Variants in AFF2 observed in about 807,000 individuals in gnomAD.
AFF2 encodes AF4/FMR2 family member 2.
A neutral mutation model predicts 76.9 loss-of-function variants in AFF2; 14 were observed. That is an observed-to-expected ratio of 0.18 (90% CI 0.12 to 0.28). AFF2 has a LOEUF of 0.28. Ranked by LOEUF, AFF2 falls within the 10% of genes least tolerant of loss-of-function variation. The probability of loss-of-function intolerance (pLI) is 1.00; values close to 1 mark genes in which losing one functional copy is unlikely to be tolerated. For missense variants in AFF2, 868 were observed against 1,001.1 expected, an observed-to-expected ratio of 0.87 and a Z score of 1.79; for synonymous variants, 398 against 366.7, an observed-to-expected ratio of 1.09 and a Z score of -0.98.
chrX:148,706,367 T>C (rs1357859316), intron 3 of AFF2, among the ~76,000 whole-genome samples: 1 of 112,368 alleles, frequency 8.9e-6, no homozygotes, highest in East Asian at 2.8e-4. Context: ...GAACTGTTGA[T>C]AGCTTCTGTC....
chrX:148,811,418 C>T (rs989792570), intron 4 of AFF2, among the ~76,000 whole-genome samples: 4 of 111,303 alleles, frequency 3.6e-5, no homozygotes, highest in Non-Finnish European at 7.5e-5. Flanking sequence ...TGGGTGGAGA[C>T]GAGGCAGCTG....
intron 3 of AFF2, among the ~76,000 whole-genome samples, chrX:148,720,945 G>T (rs1226559452): frequency 9.0e-6 from 1 of 111,642 alleles, no homozygotes; most frequent in Non-Finnish European, 1.9e-5. Context: ...GGTTCATAGA[G>T]ATATTTGTCC....
intron 9 of AFF2, among the ~76,000 whole-genome samples, chrX:148,914,610 T>C (rs782083762): frequency 8.9e-6 from 1 of 112,176 alleles, no homozygotes; most frequent in Non-Finnish European, 1.9e-5. Context: ...TCCTTCTCTG[T>C]GGACTTTTAT....
chrX:148,761,974 GATATAGAT>G (rs1444342393), intron 3 of AFF2, among the ~76,000 whole-genome samples: 2 of 94,046 alleles, frequency 2.1e-5, no homozygotes, highest in Non-Finnish European at 4.0e-5. Context: ...TATAGATATA[GATATAGAT>G]ATAGATATAG....
intron 3 of AFF2, among the ~76,000 whole-genome samples, chrX:148,724,455 AAAT>A (rs1557264075): frequency 8.9e-6 from 1 of 112,196 alleles, no homozygotes; most frequent in African/African-American, 3.2e-5. Context: ...ACAATATAAA[AAAT>A]AATAAAATCA....
chrX:148,710,286 A>G (rs1252002659), intron 3 of AFF2, among the ~76,000 whole-genome samples: 1 of 111,788 alleles, frequency 8.9e-6, no homozygotes, highest in Non-Finnish European at 1.9e-5. Flanking sequence ...GATAAAATGG[A>G]TCTCTTTCAA....
At chrX:148,625,841 A>G (rs1236184273) in intron 1 of AFF2, among the ~76,000 whole-genome samples, 1 of 111,377 alleles carries the variant, frequency 9.0e-6, no homozygotes, top group Non-Finnish European at 1.9e-5. Context: ...TGACAGACTC[A>G]AGGGAGCTGA....
At chrX:148,927,685 G>A (rs781786357) in intron 9 of AFF2, among the ~76,000 whole-genome samples, 2 of 111,954 alleles carry the variant, frequency 1.8e-5, no homozygotes, top group African/African-American at 3.2e-5. Context: ...GGGATGTGGC[G>A]TTCTGCATTC....
intron 9 of AFF2, among the ~76,000 whole-genome samples, chrX:148,906,046 T>C (rs782277598): frequency 2.7e-4 from 30 of 112,018 alleles, no homozygotes; most frequent in Non-Finnish European, 5.3e-4. Context: ...GGTAGGTGTT[T>C]AGAATTGTCT....
chrX:148,818,026 G>A (rs184506601), intron 4 of AFF2, among the ~76,000 whole-genome samples: 1 of 111,429 alleles, frequency 9.0e-6, no homozygotes, highest in East Asian at 2.8e-4. Flanking sequence ...AACTCTCAAA[G>A]CATTCTCATT....
chrX:148,829,339 A>G (rs1557273150), intron 4 of AFF2, among the ~76,000 whole-genome samples: 1 of 112,210 alleles, frequency 8.9e-6, no homozygotes, highest in East Asian at 2.8e-4. Flanking sequence ...AAATAGAAGA[A>G]TATTCATTCA....
chrX:148,552,645 G>T (rs1320372043), intron 1 of AFF2, among the ~76,000 whole-genome samples: 4 of 112,235 alleles, frequency 3.6e-5, no homozygotes, highest in Non-Finnish European at 7.5e-5. Flanking sequence ...ATGCTTGTTG[G>T]TCTGCTCACT....
At chrX:148,665,954 G>A (rs1400212686) in intron 3 of AFF2, among the ~76,000 whole-genome samples, 1 of 111,831 alleles carries the variant, frequency 8.9e-6, no homozygotes, top group Non-Finnish European at 1.9e-5. Context: ...GAGTGTTAGT[G>A]AAGTGCATTT....
chrX:148,547,156 G>A (rs2052930812), intron 1 of AFF2: 2 of 108,940 alleles, frequency 1.8e-5, no homozygotes, highest in South Asian at 8.6e-4. Flanking sequence ...AGGGTCCAGA[G>A]TGGCTCTGAG....
At chrX:148,766,062 C>T (rs1190540686) in intron 3 of AFF2, among the ~76,000 whole-genome samples, 1 of 110,534 alleles carries the variant, frequency 9.0e-6, no homozygotes, top group Non-Finnish European at 1.9e-5. Flanking sequence ...GCGTAGTATT[C>T]CATGGTATAT....
intron 8 of AFF2, among the ~76,000 whole-genome samples, chrX:148,896,991 G>A (rs2071292338): frequency 9.5e-6 from 1 of 105,701 alleles, no homozygotes; most frequent in Non-Finnish European, 1.9e-5. Flanking sequence ...CCCTCATTGT[G>A]TCCATCTTCC....
intron 8 of AFF2, among the ~76,000 whole-genome samples, chrX:148,897,263 ATATATATATG>A (rs1332746489): frequency 0.031 from 1,107 of 36,104 alleles, 177 homozygotes; most frequent in African/African-American, 0.088. Context: ...ATATATATAT[ATATATATATG>A]TATATGAAAA....
intron 3 of AFF2, among the ~76,000 whole-genome samples, chrX:148,781,250 G>A (rs1557269071): frequency 1.8e-5 from 2 of 112,266 alleles, no homozygotes. Context: ...GAGCTCTAAC[G>A]CTGTGCTGGG....
intron 3 of AFF2, among the ~76,000 whole-genome samples, chrX:148,715,721 G>A (rs782341750): frequency 9.8e-5 from 11 of 112,117 alleles, no homozygotes; most frequent in Non-Finnish European, 2.1e-4. Context: ...AATCAACTTC[G>A]TAAGAACCAA....
Sources: allele counts gnomAD v4.1 joint callset (sites outside exome capture counted in the v4.1 genomes callset), GRCh38; gene constraint gnomAD v4.1.1; transcripts MANE v1.5; gene names NCBI Gene and HGNC (gene_info 2026-07-23, HGNC 2026-07-21).